ROCK1: variants seen among roughly 807,000 people sequenced by gnomAD.
The protein encoded by ROCK1 is Rho associated coiled-coil containing protein kinase 1, also known as rho-associated protein kinase 1.
Under a neutral mutation model 196.8 loss-of-function variants are expected in ROCK1, and 36 were observed. That is an observed-to-expected ratio of 0.18 (90% CI 0.14 to 0.24). The LOEUF is 0.24. Ranked by LOEUF, ROCK1 falls within the 10% of genes least tolerant of loss-of-function variation. The pLI, the probability that ROCK1 is intolerant of heterozygous loss-of-function variation, is 1.00. For missense variants in ROCK1, 920 were observed against 1,562.0 expected (o/e 0.59, Z 6.93); for synonymous variants, 443 against 515.9 (o/e 0.86, Z 1.91).
intron 19 of ROCK1, 81 bp downstream of exon 19, chr18:20,986,869 A>T: frequency 8.0e-7 from 1 of 1,246,478 alleles, no homozygotes; most frequent in Non-Finnish European, 1.1e-6. Context: ...CATGGTGTTT[A>T]AATTATAGAT....
chr18:21,105,910 G>A (rs1325339298), intron 1 of ROCK1, among the ~76,000 whole-genome samples: 1 of 151,914 alleles, frequency 6.6e-6, no homozygotes, highest in Non-Finnish European at 1.5e-5. Flanking sequence ...CAAAGATTGA[G>A]GAAAAGAAAA....
chr18:20,992,239 G>C (rs1203707840), intron 17 of ROCK1, among the ~76,000 whole-genome samples: 1 of 152,160 alleles, frequency 6.6e-6, no homozygotes, highest in Non-Finnish European at 1.5e-5. Context: ...ATAAGTAGTG[G>C]CTTTTCTGAT....
intron 1 of ROCK1, among the ~76,000 whole-genome samples, chr18:21,071,709 C>T (rs1033307229): frequency 7.9e-5 from 12 of 151,756 alleles, no homozygotes; most frequent in Non-Finnish European, 1.0e-4. Flanking sequence ...ATGGTTTTTG[C>T]GTGATGCTTA....
chr18:21,088,329 T>C (rs1213480150), intron 1 of ROCK1, among the ~76,000 whole-genome samples: 1 of 152,070 alleles, frequency 6.6e-6, no homozygotes, highest in African/African-American at 2.4e-5. Context: ...ACCTCGTCTC[T>C]ACAAAAAAAT....
chr18:20,972,097 C>A (rs181530084), intron 22 of ROCK1, among the ~76,000 whole-genome samples: 1 of 152,072 alleles, frequency 6.6e-6, no homozygotes, highest in African/African-American at 2.4e-5. Flanking sequence ...CTGAAATAAT[C>A]AAGATTGGAG....
chr18:21,078,290 C>A (rs1397622411), intron 1 of ROCK1, among the ~76,000 whole-genome samples: 1 of 151,748 alleles, frequency 6.6e-6, no homozygotes, highest in African/African-American at 2.4e-5. Flanking sequence ...GATGGCACCA[C>A]TGCACTCCAG....
chr18:21,019,797 T>TAA (rs74444752), intron 12 of ROCK1, among the ~76,000 whole-genome samples: 3 of 132,706 alleles, frequency 2.3e-5, no homozygotes, highest in African/African-American at 2.8e-5. Context: ...GACTCCATCT[T>TAA]AAAAAAAAAA....
chr18:20,995,301 C>G (rs1186709772), intron 16 of ROCK1, among the ~76,000 whole-genome samples: 1 of 152,122 alleles, frequency 6.6e-6, no homozygotes, highest in Non-Finnish European at 1.5e-5. Context: ...TATTATGTGT[C>G]AATTAAAAAT....
chr18:21,097,912 A>G (rs1319798709), intron 1 of ROCK1, among the ~76,000 whole-genome samples: 4 of 152,258 alleles, frequency 2.6e-5, no homozygotes, highest in Non-Finnish European at 5.9e-5. Context: ...GTCTGACTCC[A>G]GAATTCATGC....
chr18:21,084,054 G>T (rs1278058416), intron 1 of ROCK1, among the ~76,000 whole-genome samples: 2 of 152,062 alleles, frequency 1.3e-5, no homozygotes, highest in Non-Finnish European at 2.9e-5. Flanking sequence ...AAATGGTGCT[G>T]GAAAAACTGC....
At chr18:20,965,524 G>A (rs1363122387) in intron 27 of ROCK1, among the ~76,000 whole-genome samples, 1 of 152,044 alleles carries the variant, frequency 6.6e-6, no homozygotes, top group Non-Finnish European at 1.5e-5. Flanking sequence ...AAGTATCTCA[G>A]GGTTAATGAA....
intron 22 of ROCK1, among the ~76,000 whole-genome samples, chr18:20,977,240 T>C (rs889094997): frequency 7.9e-5 from 12 of 152,194 alleles, no homozygotes; most frequent in Non-Finnish European, 1.2e-4. Context: ...GTGCTGGGAA[T>C]AGACAATAGA....
chr18:21,033,991 G>A, intron 9 of ROCK1, among the ~76,000 whole-genome samples: 1 of 139,830 alleles, frequency 7.2e-6, no homozygotes, highest in African/African-American at 2.7e-5. Context: ...CCGAGATCGA[G>A]CCACTGTACT....
chr18:21,002,722 C>T (rs2035735471), intron 16 of ROCK1, among the ~76,000 whole-genome samples: 1 of 151,896 alleles, frequency 6.6e-6, no homozygotes, highest in South Asian at 2.1e-4. Context: ...TACAGCCAGA[C>T]TTTATGTTTT....
intron 16 of ROCK1, among the ~76,000 whole-genome samples, chr18:20,999,170 A>G (rs2035699173): frequency 6.6e-6 from 1 of 152,232 alleles, no homozygotes; most frequent in South Asian, 2.1e-4. Flanking sequence ...CATCATGACA[A>G]ATACCATTTG....
Position 21,019,797 on chromosome 18 carries a change from T to TA in ROCK1, c.1361+353dup, listed in dbSNP as rs74444752. ...TGGACGACAGAGCGAGACTCCATCT[T>TA]AAAAAAAAAAAAAAAGAATACTGCT... On this transcript the variant is annotated intron_variant, in intron 12 of 32. Coordinates refer to ENST00000399799, the MANE Select transcript of ROCK1 (RefSeq NM_005406.3). 6.3e-3 allele frequency among the ~76,000 whole-genome samples: 840 copies of TA among 132,662 alleles called. 5 individuals are homozygous for TA. Among genetic ancestry groups the TA allele is most frequent in the African/African-American group, 0.015 (550 of 35,784 alleles). The allele number at this position is 132,662 out of a possible 152,430, so 87.0% of individuals were successfully genotyped here.
At chr18:21,096,625 G>A (rs2036615284) in intron 1 of ROCK1, among the ~76,000 whole-genome samples, 1 of 152,164 alleles carries the variant, frequency 6.6e-6, no homozygotes, top group Non-Finnish European at 1.5e-5. Flanking sequence ...AATAATTAAT[G>A]AGCATTATTG....
chr18:21,020,489 T>C (rs2035904868), intron 11 of ROCK1, among the ~76,000 whole-genome samples: 2 of 152,224 alleles, frequency 1.3e-5, no homozygotes, highest in East Asian at 3.9e-4. Context: ...AGTTACATAG[T>C]GAGGCAAAGT....
At chr18:20,952,752 T>G (rs60733351) in intron 32 of ROCK1, among the ~76,000 whole-genome samples, 8 of 151,440 alleles carry the variant, frequency 5.3e-5, no homozygotes, top group South Asian at 2.1e-4. Flanking sequence ...CACTCCAGCC[T>G]GGGTGACAGA....
Sources: allele counts gnomAD v4.1 joint callset (sites outside exome capture counted in the v4.1 genomes callset), GRCh38; gene constraint gnomAD v4.1.1; transcripts MANE v1.5; gene names NCBI Gene and HGNC (gene_info 2026-07-23, HGNC 2026-07-21).